BPIFB6: variants seen among roughly 807,000 people sequenced by gnomAD.
BPIFB6 encodes the protein BPI fold-containing family B member 6.
Under a neutral mutation model 54.7 loss-of-function variants are expected in BPIFB6, and 47 were observed. That is an observed-to-expected ratio of 0.86 (90% confidence interval 0.68 to 1.10). The LOEUF (loss-of-function observed/expected upper bound fraction) is 1.10, where lower values mean the gene tolerates loss of function less well. BPIFB6 is among the 50% of genes least tolerant of loss of function. The pLI is 0.00. For synonymous variants in BPIFB6, 255 were observed against 225.9 expected, an observed-to-expected ratio of 1.13 and a Z score of -1.16; for missense variants, 603 against 564.1, an observed-to-expected ratio of 1.07 and a Z score of -0.70.
chr20:33,033,884 G>A (rs1979209406), intron 2 of BPIFB6, among the ~76,000 whole-genome samples: 1 of 152,108 alleles, frequency 6.6e-6, no homozygotes, highest in Non-Finnish European at 1.5e-5. Context: ...ATCTAAGCAA[G>A]CCTCCCATTT....
chr20:33,031,707 TG>T lies in BPIFB6; in HGVS notation c.64del (p.Ala22HisfsTer10). On this transcript the variant is annotated frameshift_variant, in exon 1 of 15. Transcript: ENST00000349552. LOFTEE classifies it high-confidence loss of function. ...TGCTGACTGGCACGCGAGCTGACCC[TG>T]GGGCACTGCTGCGGTTGGGCATGGA... ...SLLTGTRADP[G>X]ALLRLGMDIM... 6.2e-7 allele frequency: 1 copy of T among 1,614,054 alleles called. No homozygotes were observed. Among genetic ancestry groups the T allele is most frequent in the Non-Finnish European group, 8.5e-7 (1 of 1,179,978 alleles).
Position 33,040,695 on chromosome 20 carries a change from T to C in BPIFB6, c.1142+377T>C, listed in dbSNP as rs567010033. ...TCCTCCACGAAGCCTTTCCTTATAC[T>C]AATAGCAGCTAACATTTATTTATGG... is the stretch of plus-strand genomic sequence containing the variant. On this transcript the variant is annotated intron_variant, in intron 11 of 14. Transcript: ENST00000349552. Among the ~76,000 whole-genome samples, 15 of 152,376 alleles carry C rather than the reference T, an allele frequency of 9.8e-5. No homozygotes were observed. The South Asian group carries it at 3.1e-3, about 32-fold the overall frequency.
intron 13 of BPIFB6, 24 bp downstream of exon 13, chr20:33,042,902 A>T: frequency 6.2e-7 from 1 of 1,610,248 alleles, no homozygotes; most frequent in Non-Finnish European, 8.5e-7. Context: ...AAGGCTTTGG[A>T]CCATGGTGCC....
chr20:33,043,337 T>G lies in BPIFB6; in HGVS notation c.1299T>G (p.Asn433Lys). 6.2e-7 allele frequency: 1 copy of G among 1,614,168 alleles called. No homozygotes were observed. Among genetic ancestry groups the G allele is most frequent in the South Asian group, 1.1e-5 (1 of 91,078 alleles). Residue 433 changes from asparagine to lysine, a missense_variant, in exon 14 of 15, where the codon AAT becomes AAG. Coordinates refer to ENST00000349552, the MANE Select transcript of BPIFB6 (RefSeq NM_174897.2). The part of the protein sequence containing the change: ...GLPLPDFLAM[N>K]YNLAELDIVE... ...CACTCCCGGACTTTCTGGCCATGAATTACAACCTGGCTGAGCTGGACATAG... is the reference window on the plus strand; with the variant it reads ...CACTCCCGGACTTTCTGGCCATGAAGTACAACCTGGCTGAGCTGGACATAG...
intron 7 of BPIFB6, among the ~76,000 whole-genome samples, chr20:33,036,891 G>A (rs1158490183): frequency 1.3e-5 from 2 of 152,200 alleles, no homozygotes; most frequent in East Asian, 3.8e-4. Context: ...CACACAGCAA[G>A]ACAGCACAAG....
intron 2 of BPIFB6, among the ~76,000 whole-genome samples, chr20:33,033,772 A>G (rs60718403): frequency 6.6e-6 from 1 of 152,198 alleles, no homozygotes; most frequent in East Asian, 1.9e-4. Context: ...TACTGGGCTG[A>G]GGTCGGAGAT....
chr20:33,038,875 T>G, intron 8 of BPIFB6, 34 bp from the exon 9 acceptor site: 1 of 1,610,558 alleles, frequency 6.2e-7, no homozygotes, highest in Non-Finnish European at 8.5e-7. Context: ...CAGGGAGGAC[T>G]CCAGCAACCC....
intron 11 of BPIFB6, among the ~76,000 whole-genome samples, chr20:33,041,550 C>A (rs974221986): frequency 1.3e-5 from 2 of 152,098 alleles, no homozygotes; most frequent in Non-Finnish European, 2.9e-5. Flanking sequence ...CATCACATGG[C>A]CTGTTCTGGT....
Position 33,034,883 on chromosome 20 carries a change from G to T in BPIFB6, c.423G>T (p.Leu141=). The T allele has an allele frequency of 6.2e-7, 1 of 1,612,766 alleles. No homozygotes were observed. Among genetic ancestry groups the T allele is most frequent in the Non-Finnish European group, 8.5e-7 (1 of 1,178,908 alleles). The change falls in exon 4 of 15, where the codon CTG becomes CTT. Residue 141 remains leucine, a synonymous_variant. Transcript: ENST00000349552. ...AGAGTGAGGGCTGTGAGGTCATCCT[G>T]GTCAATGTGAAGACTAACCTGCCTA... The part of the protein sequence containing the change: ...VFKSEGCEVI[L]VNVKTNLPSN...
rs1010361404 is a variant in BPIFB6 at position 33,035,741 on chromosome 20, A to G, written c.577+69A>G. The G allele has an allele frequency of 4.7e-6, 7 of 1,494,736 alleles. No individual in the cohort carries two copies. The Admixed American group carries it at 1.0e-4, about 21-fold the overall frequency. The allele number at this position is 1,494,736 out of a possible 1,614,324, so 92.6% of individuals were successfully genotyped here. A position where few individuals can be genotyped will look rare whatever the true frequency, so the allele number is the denominator to read the frequency against. ...CAGGATAGATAGACTTTGATGTCCC[A>G]TTCCCCATCCTAGTGCCTGCTTCCA... On this transcript the variant is annotated intron_variant, in intron 6 of 14. Transcript: ENST00000349552.
rs1162408297 is a variant in BPIFB6 at position 33,042,828 on chromosome 20, C to T, written c.1202C>T (p.Thr401Ile). ...TCTTCTTTCCAGGAGAGGGAATTAA[C>T]TGGCTTCATCACCAGCTATCTCGAA... ...SIGNFNEREL[T>I]GFITSYLEEA... Residue 401 changes from threonine to isoleucine, a missense_variant, in exon 13 of 15, where the codon ACT becomes ATT. By Grantham distance (89) the Thr-to-Ile change is moderately conservative. Transcript: ENST00000349552. The T allele has an allele frequency of 1.2e-6, 2 of 1,614,136 alleles. No individual in the cohort carries two copies. Among genetic ancestry groups the T allele is most frequent in the Middle Eastern group, 1.6e-4 (1 of 6,062 alleles).
At chr20:33,034,017 GC>G in intron 2 of BPIFB6, among the ~76,000 whole-genome samples, 168 bp from the exon 3 acceptor site, 1 of 150,694 alleles carries the variant, frequency 6.6e-6, no homozygotes, top group South Asian at 2.1e-4. Flanking sequence ...TTCATGTCCA[GC>G]CTTTTGTTTT....
chr20:33,035,478 G>A (rs1376303217), intron 5 of BPIFB6, 134 bp from the exon 6 acceptor site: 1 of 888,258 alleles, frequency 1.1e-6, no homozygotes, highest in African/African-American at 1.7e-5. Flanking sequence ...ACTTTCTGTG[G>A]GACTTGGGAC....
rs1183528710 is a variant in BPIFB6, at chr20:33,040,283, T to C, written c.1107T>C (p.His369=). The change falls in exon 11 of 15, where the codon CAT becomes CAC. Residue 369 remains histidine, a synonymous_variant. Transcript: ENST00000349552. ...ATCTGAAGGTCCAGTACTCAGTGCA[T>C]GAGAACCAGCTGCAGATGGCCACTT... The part of the protein sequence containing the change: ...HFNLKVQYSV[H]ENQLQMATSL... 1.2e-6 allele frequency: 2 copies of C among 1,614,108 alleles called. No individual in the cohort carries two copies. The highest frequency in any genetic ancestry group is 1.7e-6 in the Non-Finnish European group (2 of 1,179,974).
rs773959653 is a variant in BPIFB6, at chr20:33,035,071, G to A, written c.453-10G>A. On this transcript the variant is annotated splice_polypyrimidine_tract_variant and intron_variant, in intron 4 of 14. Coordinates refer to ENST00000349552, the MANE Select transcript of BPIFB6 (RefSeq NM_174897.2). ...CTGCCCACCTATCCTCGGTGCCTGT[G>A]TCCATCTAGCATGCTCCCCAAGATG... 6.2e-7 allele frequency: 1 copy of A among 1,613,730 alleles called. No individual in the cohort carries two copies. Among genetic ancestry groups the A allele is most frequent in the Non-Finnish European group, 8.5e-7 (1 of 1,179,958 alleles).
chr20:33,034,987 T>C, intron 4 of BPIFB6, 75 bp downstream of exon 4: 4 of 1,606,558 alleles, frequency 2.5e-6, no homozygotes, highest in African/African-American at 1.3e-5. Flanking sequence ...TCCTGAGCCA[T>C]GGAACCCCCT....
chr20:33,043,498 C>T (rs1193394800), intron 14 of BPIFB6, 131 bp downstream of exon 14: 2 of 787,968 alleles, frequency 2.5e-6, no homozygotes. Flanking sequence ...TATAATCCTG[C>T]CCCTCAGAAT....
At chr20:33,041,910 C>T in intron 11 of BPIFB6, 60 bp from the exon 12 acceptor site, 1 of 1,512,548 alleles carries the variant, frequency 6.6e-7, no homozygotes, top group Non-Finnish European at 9.2e-7. Context: ...AGCGCCAGGG[C>T]CACTGGCTCT....
intron 7 of BPIFB6, 131 bp downstream of exon 7, chr20:33,036,667 C>A (rs1452653098): frequency 1.2e-6 from 1 of 842,922 alleles, no homozygotes; most frequent in East Asian, 2.5e-5. Context: ...CCGTGGAGGC[C>A]AATGCCATGT....
Sources: allele counts gnomAD v4.1 joint callset (sites outside exome capture counted in the v4.1 genomes callset), GRCh38; gene constraint gnomAD v4.1.1; transcripts MANE v1.5; gene names NCBI Gene and HGNC (gene_info 2026-07-23, HGNC 2026-07-21).